The following PER2 variants were observed in gnomAD, a reference collection of about 807,000 sequenced individuals.
The protein encoded by PER2 is period circadian protein homolog 2.
A neutral mutation model predicts 121.0 loss-of-function variants in PER2; 66 were observed. That is an observed-to-expected ratio of 0.55 (90% CI 0.45 to 0.67). The LOEUF (loss-of-function observed/expected upper bound fraction) is 0.67, where lower values mean the gene tolerates loss of function less well. Ranked by LOEUF, PER2 falls within the 30% of genes least tolerant of loss-of-function variation. PER2 has a pLI of 0.00. For missense variants in PER2, 1,521 were observed against 1,635.0 expected, an observed-to-expected ratio of 0.93 and a Z score of 1.20; for synonymous variants, 684 against 659.9, an observed-to-expected ratio of 1.04 and a Z score of -0.56.
At chr2:238,298,044 T>TTG in the PER2 span, among the ~76,000 whole-genome samples, 1 of 150,714 alleles carries the variant, frequency 6.6e-6, no homozygotes, top group East Asian at 1.9e-4. Flanking sequence ...TTTTTTTTTT[T>TTG]TTTTGTGATA....
intron 6 of PER2, among the ~76,000 whole-genome samples, chr2:238,270,159 C>A (rs1404231571): frequency 6.6e-6 from 1 of 152,248 alleles, no homozygotes; most frequent in Non-Finnish European, 1.5e-5. Context: ...GGTAGGTGTG[C>A]AGAGGCCTGG....
At chr2:238,266,175 C>A (rs10181746) in intron 8 of PER2, among the ~76,000 whole-genome samples, 2 of 151,964 alleles carry the variant, frequency 1.3e-5, no homozygotes, top group Non-Finnish European at 2.9e-5. Flanking sequence ...AGTGCTGGGA[C>A]TACAGGCGTG....
chr2:238,296,056 T>TGTGACCACGGACACGGGCAGA, the PER2 span, among the ~76,000 whole-genome samples: 1 of 137,228 alleles, frequency 7.3e-6, no homozygotes, highest in Non-Finnish European at 1.6e-5. Flanking sequence ...TCGTGTGCCC[T>TGTGACCACGGACACGGGCAGA]CCTGCTGCAG....
intron 20 of PER2, 91 bp downstream of exon 20, chr2:238,251,508 G>A: frequency 1.6e-6 from 2 of 1,218,196 alleles, no homozygotes; most frequent in African/African-American, 1.5e-5. Flanking sequence ...GGTGATCCCT[G>A]TTCTGAGCAC....
intron 1 of PER2, among the ~76,000 whole-genome samples, chr2:238,287,672 C>T (rs1477026785): frequency 1.3e-5 from 2 of 152,242 alleles, no homozygotes; most frequent in Non-Finnish European, 2.9e-5. Context: ...CCTCAGTTTG[C>T]TCATCTGTCA....
rs2106325360 is a variant in PER2, at chr2:238,277,892, G to A, written c.45C>T (p.Thr15=). The part of the protein sequence containing the change: ...AEFPPSPSNP[T]KEPVEPQPSQ... ...TGGGCTGGGGCTCCACGGGCTCCTT[G>A]GTGGGGTTACTGGGGCTGGGCGGAA... The change falls in exon 2 of 23, where the codon ACC becomes ACT. Residue 15 remains threonine (T), a synonymous_variant. Coordinates refer to ENST00000254657, the MANE Select transcript of PER2 (RefSeq NM_022817.3). The A allele has an allele frequency of 6.2e-7, 1 of 1,614,090 alleles. No homozygotes were observed. The highest frequency in any genetic ancestry group is 1.7e-4 in the Middle Eastern group (1 of 6,014).
At chr2:238,250,769 T>C in intron 20 of PER2, 26 bp from the exon 21 acceptor site, 1 of 1,520,940 alleles carries the variant, frequency 6.6e-7, no homozygotes, top group Non-Finnish European at 9.1e-7. Context: ...ACGTGGTGCG[T>C]CAAAACATTG....
chr2:238,288,295 C>G (rs891380630), intron 1 of PER2, 54 bp downstream of exon 1: 1 of 152,278 alleles, frequency 6.6e-6, no homozygotes, highest in Non-Finnish European at 1.5e-5. Context: ...CCCACGGAAC[C>G]GCAGCCCGCG....
upstream of PER2, among the ~76,000 whole-genome samples, chr2:238,294,630 A>T (rs1312380771): frequency 1.3e-5 from 2 of 152,162 alleles, no homozygotes; most frequent in African/African-American, 2.4e-5. Context: ...CCTTTGCAAA[A>T]GACATTCTCA....
At position 238,245,040 on chromosome 2, in the gene PER2, T is replaced by C. The variant is rs1348799004; in HGVS notation, c.*1335A>G. 2.2e-5 allele frequency: 1 copy of C among 45,154 alleles called. No homozygotes were observed. Among genetic ancestry groups the C allele is most frequent in the Admixed American group, 2.8e-4 (1 of 3,528 alleles). The allele number at this position is 45,154 out of a possible 1,614,324, so 2.8% of individuals were successfully genotyped here. ...CCAGCCTGGGCAAAAAGAAACTCCATCTAAAAAAAAAAAAAAAAAAAAAAA... is the reference window on the plus strand; with the variant it reads ...CCAGCCTGGGCAAAAAGAAACTCCACCTAAAAAAAAAAAAAAAAAAAAAAA... On this transcript the variant is annotated 3_prime_UTR_variant, in exon 23 of 23. Transcript: ENST00000254657.
At position 238,253,846 on chromosome 2, in the gene PER2, T is replaced by G; in HGVS notation, c.2321-144A>C. On this transcript the variant is annotated intron_variant, in intron 18 of 22. Transcript: ENST00000254657. This position sits in a 1 kb window ranked among gnomAD's most constrained non-coding sequence, Gnocchi z 5.6. ...CGGTTTTCCCTGATCCTCAGTGAAG[T>G]GAGAAAAATCAGGGCAAAACATCAG... 1.5e-6 allele frequency: 1 copy of G among 664,866 alleles called. No individual in the cohort carries two copies. Among genetic ancestry groups the G allele is most frequent in the Non-Finnish European group, 2.6e-6 (1 of 377,416 alleles). The allele number at this position is 664,866 out of a possible 1,614,324, so 41.2% of individuals were successfully genotyped here. A position where few individuals can be genotyped will look rare whatever the true frequency, so the allele number is the denominator to read the frequency against.
At chr2:238,273,456 G>A (rs1037823812) in intron 4 of PER2, among the ~76,000 whole-genome samples, 5 of 151,472 alleles carry the variant, frequency 3.3e-5, no homozygotes, top group Admixed American at 6.6e-5. Flanking sequence ...AAGGTAATAC[G>A]GTCGCAGAGT....
intron 20 of PER2, among the ~76,000 whole-genome samples, chr2:238,251,367 T>C (rs529542768): frequency 1.3e-5 from 2 of 152,344 alleles, no homozygotes; most frequent in South Asian, 4.1e-4. Flanking sequence ...GTGTGAGGCC[T>C]GTAGGCACTG....
In PER2 at chr2:238,253,246, G is replaced by T. The variant is rs1695660623; in HGVS notation, c.2777C>A (p.Pro926His). The T allele has an allele frequency of 5.6e-6, 9 of 1,603,652 alleles. No individual in the cohort carries two copies. Among genetic ancestry groups the T allele is most frequent in the African/African-American group, 4.0e-5 (3 of 74,806 alleles). ...GTGGCTCGGAAACTGAGGCTGGCTG[G>T]GGAAGAAGGCCTGGGGCAGGTTTGG... is the stretch of plus-strand genomic sequence containing the variant. ...GTPNLPQAFF[P>H]SQPQFPSHPT... The change falls in exon 19 of 23, where the codon CCC becomes CAC. Residue 926 changes from proline (P) to histidine (H), a missense_variant. Physicochemically the swap from Pro to His is moderately conservative, Grantham distance 77 (BLOSUM62 -2). Coordinates refer to ENST00000254657, the MANE Select transcript of PER2 (RefSeq NM_022817.3). This position sits in a 1 kb window ranked among gnomAD's most constrained non-coding sequence, Gnocchi z 5.6.
At chr2:238,275,663 C>T (rs1696429429) in intron 4 of PER2, 80 bp downstream of exon 4, 1 of 1,483,302 alleles carries the variant, frequency 6.7e-7, no homozygotes, top group Admixed American at 1.7e-5. Context: ...TTTAGAAAGT[C>T]AACACAATCC....
intron 18 of PER2, chr2:238,255,109 G>C (rs750237804): frequency 8.4e-5 from 14 of 165,776 alleles, no homozygotes; most frequent in Non-Finnish European, 1.3e-5. Context: ...TTCATCCCTT[G>C]ACCTTCAACC....
At position 238,288,590 on chromosome 2, in the gene PER2, C is replaced by A. The variant is rs1419207741; in HGVS notation, c.-261G>T. 6.6e-6 allele frequency: 1 copy of A among 151,438 alleles called. No homozygotes were observed. The highest frequency in any genetic ancestry group is 1.5e-5 in the Non-Finnish European group (1 of 67,764). 9.4% of individuals were successfully genotyped at this position (151,438 alleles called of 1,614,324 possible). On this transcript the variant is annotated 5_prime_UTR_variant, in exon 1 of 23. Transcript: ENST00000254657. ...CTGGGACCCCGACCTGCCCGAGGCCCGCGCGCCGGCGGCGGTTACGTAAGC... is the reference window on the plus strand; with the variant it reads ...CTGGGACCCCGACCTGCCCGAGGCCAGCGCGCCGGCGGCGGTTACGTAAGC...
chr2:238,253,114 G>A lies in PER2; in HGVS notation c.2909C>T (p.Pro970Leu), dbSNP rs1695654909. ...CACPATRATP[P>L]SAMGRASPPL... ...TGGGGAGGCCCTACCCATGGCCGAT[G>A]GTGGGGTGGCCCGGGTGGCTGGACA... The change falls in exon 19 of 23, where the codon CCA becomes CTA. Residue 970 changes from proline to leucine, a missense_variant. By Grantham distance (98) the Pro-to-Leu change is moderately conservative. Coordinates refer to ENST00000254657, the MANE Select transcript of PER2 (RefSeq NM_022817.3). This position sits in a 1 kb window ranked among gnomAD's most constrained non-coding sequence, Gnocchi z 5.6. 1.2e-6 allele frequency: 2 copies of A among 1,605,202 alleles called. No homozygotes were observed. Among genetic ancestry groups the A allele is most frequent in the Non-Finnish European group, 1.7e-6 (2 of 1,173,142 alleles).
At chr2:238,256,686 GAACA>G (rs1695772392) in intron 17 of PER2, among the ~76,000 whole-genome samples, 1 of 152,194 alleles carries the variant, frequency 6.6e-6, no homozygotes, top group South Asian at 2.1e-4. Context: ...GTTGATGCCA[GAACA>G]GACAACTGCC....
Sources: gnomAD v4.1 joint callset for allele counts (sites outside exome capture counted in the v4.1 genomes callset) on GRCh38, gnomAD v4.1.1 for gene constraint, Gnocchi (gnomAD v3.1) non-coding constraint, MANE v1.5 for transcripts, NCBI Gene and HGNC (gene_info 2026-07-23, HGNC 2026-07-21) for gene names.